Variants in CSMD1 observed in about 807,000 individuals in gnomAD.
The protein encoded by CSMD1 is CUB and sushi domain-containing protein 1.
A neutral mutation model predicts 417.5 loss-of-function variants in CSMD1; 213 were observed. That is an observed-to-expected ratio of 0.51 (90% CI 0.46 to 0.57). The LOEUF is 0.57. Ranked by LOEUF, CSMD1 falls within the 20% of genes least tolerant of loss-of-function variation. CSMD1 has a pLI of 0.00. For synonymous variants in CSMD1, 2,862 were observed against 1,736.8 expected, an observed-to-expected ratio of 1.65 and a Z score of -16.11; for missense variants, 6,923 against 4,529.7, an observed-to-expected ratio of 1.53 and a Z score of -15.17.
intron 5 of CSMD1, among the ~76,000 whole-genome samples, chr8:3,846,354 G>A (rs1002173795): frequency 6.6e-6 from 1 of 152,146 alleles, no homozygotes; most frequent in Non-Finnish European, 1.5e-5. Context: ...GTCCATAGCT[G>A]ATTAAAATGT....
At chr8:4,093,404 A>T (rs1487822053) in intron 3 of CSMD1, among the ~76,000 whole-genome samples, 1 of 152,222 alleles carries the variant, frequency 6.6e-6, no homozygotes, top group Admixed American at 6.5e-5. Flanking sequence ...AAATTGTTTA[A>T]AGCCAACAGA....
intron 23 of CSMD1, among the ~76,000 whole-genome samples, chr8:3,332,115 T>C (rs947136700): frequency 6.6e-6 from 1 of 152,216 alleles, no homozygotes; most frequent in African/African-American, 2.4e-5. Flanking sequence ...GGATAGATGA[T>C]AGATGATGAC....
At chr8:3,486,074 T>G (rs1212110742) in intron 11 of CSMD1, among the ~76,000 whole-genome samples, 2 of 152,154 alleles carry the variant, frequency 1.3e-5, no homozygotes, top group African/African-American at 2.4e-5. Flanking sequence ...TGTCACAATT[T>G]TGTCAAGAAA....
intron 11 of CSMD1, among the ~76,000 whole-genome samples, chr8:3,481,759 C>A (rs181635434): frequency 2.6e-5 from 4 of 152,132 alleles, no homozygotes; most frequent in African/African-American, 9.7e-5. Context: ...AGCCAAGGAA[C>A]GCCAGCAGCT....
chr8:3,234,896 A>T (rs1479948765), intron 26 of CSMD1, among the ~76,000 whole-genome samples: 1 of 152,236 alleles, frequency 6.6e-6, no homozygotes, highest in South Asian at 2.1e-4. Context: ...TATAGAATCT[A>T]TGATCAACTG....
intron 2 of CSMD1, among the ~76,000 whole-genome samples, chr8:4,448,554 G>C (rs1242602599): frequency 1.3e-5 from 2 of 152,248 alleles, no homozygotes; most frequent in African/African-American, 2.4e-5. Context: ...AACATCCTTT[G>C]AAATCTAACA....
intron 36 of CSMD1, among the ~76,000 whole-genome samples, chr8:3,185,438 G>A (rs765547753): frequency 3.8e-4 from 58 of 152,146 alleles, no homozygotes; most frequent in African/African-American, 1.3e-3. Flanking sequence ...TAATTTTGCC[G>A]TCTCCTGCTT....
chr8:4,140,449 G>T (rs1043726287), intron 3 of CSMD1, among the ~76,000 whole-genome samples: 1 of 150,846 alleles, frequency 6.6e-6, no homozygotes, highest in Non-Finnish European at 1.5e-5. Flanking sequence ...CGTGAGCCAA[G>T]ATCAAACATT....
rs371055077 is a variant in CSMD1, at chr8:4,419,941, C to A, written c.415+12G>T. 2.9e-4 allele frequency: 449 copies of A among 1,530,036 alleles called. No homozygotes were observed. Among genetic ancestry groups the A allele is most frequent in the Non-Finnish European group, 3.8e-4 (430 of 1,122,922 alleles). 94.8% of individuals were successfully genotyped at this position (1,530,036 alleles called of 1,614,324 possible). ...CAGTGAATGCATGTGCAAAACACAACCAATCTCCTACCTTCATATAATGCT... is the reference window on the plus strand; with the variant it reads ...CAGTGAATGCATGTGCAAAACACAAACAATCTCCTACCTTCATATAATGCT... On this transcript the variant is annotated intron_variant, in intron 3 of 69. Transcript: ENST00000635120.
intron 3 of CSMD1, among the ~76,000 whole-genome samples, chr8:4,282,227 T>C (rs1290786148): frequency 6.6e-6 from 1 of 152,178 alleles, no homozygotes; most frequent in African/African-American, 2.4e-5. Flanking sequence ...AAACATAAAA[T>C]CTTACAACTG....
chr8:3,898,974 C>G lies in CSMD1; in HGVS notation c.818+98929G>C, dbSNP rs182856088. 3.5e-3 allele frequency among the ~76,000 whole-genome samples: 529 copies of G among 152,162 alleles called. 1 individual carries two copies. Among genetic ancestry groups the G allele is most frequent in the African/African-American group, 0.012 (502 of 41,510 alleles). ...GGGAAAAATAAAAAACAAATGGGAC[C>G]ATACAGTACATATTTCAGTGCTAAA... On this transcript the variant is annotated intron_variant, in intron 5 of 69. Transcript: ENST00000635120.
At chr8:3,689,427 G>A (rs967063392) in intron 7 of CSMD1, among the ~76,000 whole-genome samples, 1 of 152,220 alleles carries the variant, frequency 6.6e-6, no homozygotes, top group Non-Finnish European at 1.5e-5. Context: ...AAAGGAAATG[G>A]CGGGATAGTT....
chr8:4,161,565 G>C (rs546986234), intron 3 of CSMD1, among the ~76,000 whole-genome samples: 2 of 152,070 alleles, frequency 1.3e-5, no homozygotes, highest in Non-Finnish European at 2.9e-5. Context: ...ACATTGTTTT[G>C]GACAGAGTTC....
At chr8:3,730,332 T>C (rs950945862) in intron 6 of CSMD1, among the ~76,000 whole-genome samples, 4 of 151,692 alleles carry the variant, frequency 2.6e-5, no homozygotes, top group African/African-American at 7.3e-5. Context: ...AACACACTGA[T>C]GCATTCTCCT....
chr8:4,810,560 T>C (rs1045695853), intron 1 of CSMD1, among the ~76,000 whole-genome samples: 59 of 152,270 alleles, frequency 3.9e-4, no homozygotes, highest in African/African-American at 1.4e-3. Flanking sequence ...CGTATGTGTG[T>C]GTATGTGGGG....
intron 51 of CSMD1, among the ~76,000 whole-genome samples, chr8:3,019,395 G>T (rs79010479): frequency 0.055 from 8,353 of 152,232 alleles, 241 homozygotes; most frequent in African/African-American, 0.074. Context: ...AGAAGCCTCA[G>T]GAGCCTATCA....
chr8:4,382,356 A>G (rs1803156801), intron 3 of CSMD1, among the ~76,000 whole-genome samples: 1 of 152,210 alleles, frequency 6.6e-6, no homozygotes, highest in African/African-American at 2.4e-5. Context: ...TGGTCGACCA[A>G]TGACACACAT....
intron 10 of CSMD1, among the ~76,000 whole-genome samples, chr8:3,521,900 T>C (rs1375075024): frequency 6.6e-6 from 1 of 152,176 alleles, no homozygotes; most frequent in African/African-American, 2.4e-5. Context: ...GTGTTGTCAA[T>C]AAAAGCTGAG....
At chr8:4,703,734 G>A (rs559438504) in intron 1 of CSMD1, among the ~76,000 whole-genome samples, 136 of 152,218 alleles carry the variant, frequency 8.9e-4, no homozygotes, top group African/African-American at 3.1e-3. Context: ...AAATCTTAAA[G>A]TGATTTTACT....
Sources: gnomAD v4.1 joint callset for allele counts (sites outside exome capture counted in the v4.1 genomes callset) on GRCh38, gnomAD v4.1.1 for gene constraint, MANE v1.5 for transcripts, NCBI Gene and HGNC (gene_info 2026-07-23, HGNC 2026-07-21) for gene names.